IL3RA: variants seen among roughly 807,000 people sequenced by gnomAD.
IL3RA encodes interleukin-3 receptor subunit alpha.
A neutral mutation model predicts 52.3 loss-of-function variants in IL3RA; 73 were observed. The ratio of observed to expected loss-of-function variants is 1.40; its 90% CI spans 1.16 to 1.70. The LOEUF is 1.70. Ranked by LOEUF, IL3RA falls within the 40% of genes most tolerant of loss-of-function variation. IL3RA has a pLI of 0.00. For synonymous variants in IL3RA, 260 were observed against 194.0 expected (o/e 1.34, Z -2.83); for missense variants, 664 against 504.4 (o/e 1.32, Z -3.03).
chrX:1,355,875 G>C (rs779735414), intron 6 of IL3RA, among the ~76,000 whole-genome samples: 68 of 152,152 alleles, frequency 4.5e-4, no homozygotes, highest in African/African-American at 1.5e-3. Context: ...TGAGCCTAGA[G>C]ATGGAAGGGG....
intron 9 of IL3RA, among the ~76,000 whole-genome samples, chrX:1,376,615 C>T (rs1393222044): frequency 4.0e-5 from 6 of 148,266 alleles, no homozygotes; most frequent in Non-Finnish European, 5.9e-5. Flanking sequence ...CAGACACACA[C>T]GGAGGAACAA....
At chrX:1,354,005 T>C in intron 6 of IL3RA, among the ~76,000 whole-genome samples, 1 of 118,320 alleles carries the variant, frequency 8.5e-6, no homozygotes, top group Non-Finnish European at 1.7e-5. Flanking sequence ...GGAGCCCCCA[T>C]TGTGAGTCAT....
chrX:1,345,116 T>TTG (rs1569519893), intron 2 of IL3RA, among the ~76,000 whole-genome samples, 200 bp from the exon 3 acceptor site: 2 of 150,748 alleles, frequency 1.3e-5, no homozygotes, highest in Non-Finnish European at 2.9e-5. Context: ...TGCAGTGAGC[T>TTG]GAGATCGTGC....
At chrX:1,356,377 A>G (rs751480022) in intron 7 of IL3RA, 41 bp downstream of exon 7, 31 of 1,147,930 alleles carry the variant, frequency 2.7e-5, no homozygotes, top group Non-Finnish European at 3.3e-5. Context: ...ACCCCCGTGG[A>G]CATCCCTTAT....
chrX:1,345,083 T>C lies in IL3RA; in HGVS notation c.65-233T>C, dbSNP rs1485738555. On this transcript the variant is annotated intron_variant, in intron 2 of 11. Transcript: ENST00000331035. ...ACTCGGGAGGCTGAGGCAGGAGAGT[T>C]GCTTGAACCAGGAGGCGGAGCTTGC... Among the ~76,000 whole-genome samples the C allele has an allele frequency of 3.6e-4, 54 of 150,444 alleles. 1 individual carries two copies. The highest frequency in any genetic ancestry group is 3.6e-3 in the Admixed American group (54 of 15,136).
rs2086219448 is a variant in IL3RA at position 1,353,122 on chromosome X, C to T, written c.616+616C>T. Among the ~76,000 whole-genome samples, 3 of 147,790 alleles carry T rather than the reference C, an allele frequency of 2.0e-5. No homozygotes were observed. In the East Asian group the frequency reaches 6.2e-4, roughly 30 times the overall value. ...GGGTTCCATCATGGGTCATGGGACA[C>T]CCCCCATCATGGGTTCCACCATGAG... On this transcript the variant is annotated intron_variant, in intron 6 of 11. Transcript: ENST00000331035.
At chrX:1,355,908 C>T (rs1217823225) in intron 6 of IL3RA, among the ~76,000 whole-genome samples, 1 of 151,960 alleles carries the variant, frequency 6.6e-6, no homozygotes. Flanking sequence ...TGTGCAGCTG[C>T]CAGTCCTTGG....
chrX:1,378,582 G>A, intron 9 of IL3RA, 77 bp from the exon 10 acceptor site: 1 of 1,280,542 alleles, frequency 7.8e-7, no homozygotes, highest in South Asian at 1.3e-5. Flanking sequence ...GCTTCCCAGG[G>A]CCCCGGGGAG....
intron 1 of IL3RA, among the ~76,000 whole-genome samples, chrX:1,341,204 G>A (rs1335504642): frequency 6.6e-6 from 1 of 152,084 alleles, no homozygotes; most frequent in Non-Finnish European, 1.5e-5. Context: ...GGAGGCTGAG[G>A]CAGGAGAGTC....
intron 8 of IL3RA, among the ~76,000 whole-genome samples, chrX:1,361,755 GA>G (rs1156722120): frequency 0.44 from 36,128 of 81,772 alleles, 6,631 homozygotes; most frequent in Middle Eastern, 0.61. Context: ...TCCGTCTCGA[GA>G]AAAAAAAAAA....
At chrX:1,353,776 C>A (rs1185003029) in intron 6 of IL3RA, among the ~76,000 whole-genome samples, 2 of 145,526 alleles carry the variant, frequency 1.4e-5, no homozygotes, top group African/African-American at 5.3e-5. Flanking sequence ...ATAGGATCCC[C>A]TATCATGGGT....
intron 4 of IL3RA, among the ~76,000 whole-genome samples, chrX:1,348,926 C>T (rs759786434): frequency 1.1e-4 from 16 of 146,344 alleles, no homozygotes; most frequent in African/African-American, 3.8e-4. Flanking sequence ...TTCCTTCTCT[C>T]CCTCCTCTTT....
chrX:1,344,309 C>G (rs1346757161), intron 2 of IL3RA, among the ~76,000 whole-genome samples: 2 of 151,538 alleles, frequency 1.3e-5, no homozygotes, highest in South Asian at 2.1e-4. Context: ...TGGCAGGCAC[C>G]TGTTATCCCA....
In IL3RA at chrX:1,358,859, A is replaced by G; in HGVS notation, c.733-2A>G. The G allele has an allele frequency of 6.2e-7, 1 of 1,613,454 alleles. No individual in the cohort carries two copies. The highest frequency in any genetic ancestry group is 8.5e-7 in the Non-Finnish European group (1 of 1,179,660). On this transcript the variant is annotated splice_acceptor_variant, in intron 7 of 11. Coordinates refer to ENST00000331035, the MANE Select transcript of IL3RA (RefSeq NM_002183.4). LOFTEE classifies it high-confidence loss of function. ...AAAAGTTTGCTTGCTTTTGTGTTGC[A>G]GAGAATGCAGCCTGTAATCACAGAA...
At chrX:1,340,126 T>C (rs1458001112) in intron 1 of IL3RA, among the ~76,000 whole-genome samples, 1 of 142,134 alleles carries the variant, frequency 7.0e-6, no homozygotes, top group African/African-American at 2.5e-5. Context: ...TTTTTTTTTT[T>C]TTTTTTTGAG....
At chrX:1,353,600 CATCATAGGTCCCATCATGGGTCATGGGA>C in intron 6 of IL3RA, among the ~76,000 whole-genome samples, 1 of 131,392 alleles carries the variant, frequency 7.6e-6, no homozygotes, top group Non-Finnish European at 1.6e-5. Flanking sequence ...TGGGATCCCC[CATCATAGGTCCCATCATGGGTCATGGGA>C]CCCCCCCCAT....
chrX:1,344,884 C>G (rs1293822380), intron 2 of IL3RA, among the ~76,000 whole-genome samples: 1 of 142,060 alleles, frequency 7.0e-6, no homozygotes, highest in African/African-American at 2.6e-5. Context: ...GATTGTTGAC[C>G]TGGTGCGGTG....
chrX:1,358,219 C>T (rs1365855979), intron 7 of IL3RA, among the ~76,000 whole-genome samples: 1 of 152,128 alleles, frequency 6.6e-6, no homozygotes, highest in Non-Finnish European at 1.5e-5. Flanking sequence ...TGATGTTGCA[C>T]CCCCTACCTA....
intron 8 of IL3RA, among the ~76,000 whole-genome samples, chrX:1,360,674 A>G (rs1377707938): frequency 1.4e-5 from 2 of 146,224 alleles, no homozygotes; most frequent in African/African-American, 5.2e-5. Flanking sequence ...ACTCGCCACC[A>G]TGCCCAACTA....
Sources: gnomAD v4.1 joint callset for allele counts (sites outside exome capture counted in the v4.1 genomes callset) on GRCh38, gnomAD v4.1.1 for gene constraint, MANE v1.5 for transcripts, NCBI Gene and HGNC (gene_info 2026-07-23, HGNC 2026-07-21) for gene names.